Variants in SMAD6 observed in about 807,000 individuals in gnomAD.
SMAD6 encodes the protein SMAD family member 6.
SMAD6 carries 103 observed loss-of-function variants against 39.4 expected under a neutral mutation model. The observed-to-expected ratio is 2.62, with a 90% CI of 2.23 to 3.08. The LOEUF (loss-of-function observed/expected upper bound fraction) is 3.08. Ranked by LOEUF, SMAD6 falls within the 30% of genes most tolerant of loss-of-function variation. The probability of loss-of-function intolerance (pLI) is 0.00; values close to 1 mark genes in which losing one functional copy is unlikely to be tolerated. For missense variants in SMAD6, 1,104 were observed against 742.9 expected (o/e 1.49, Z -5.65); for synonymous variants, 445 against 353.3 (o/e 1.26, Z -2.91).
intron 3 of SMAD6, among the ~76,000 whole-genome samples, chr15:66,751,015 AC>A (rs1180797974): frequency 6.6e-6 from 1 of 151,762 alleles, no homozygotes; most frequent in African/African-American, 2.4e-5. Context: ...ACCCAGAGAC[AC>A]CCCCACCCCC....
chr15:66,751,132 C>CT lies in SMAD6; in HGVS notation c.953-29864dup, dbSNP rs577386886. Among the ~76,000 whole-genome samples, 761 of 152,294 alleles carry CT rather than the reference C, an allele frequency of 5.0e-3. 2 individuals carry two copies. The highest frequency in any genetic ancestry group is 0.017 in the Middle Eastern group (5 of 294). On this transcript the variant is annotated intron_variant, in intron 3 of 3. Coordinates refer to ENST00000288840, the MANE Select transcript of SMAD6 (RefSeq NM_005585.5). ...GAGAACGCCCCGTGCCTGAGATTCTCTGAGTAAAAGCACTTTGCAAAATGT... is the reference window on the plus strand; with the variant it reads ...GAGAACGCCCCGTGCCTGAGATTCTCTTGAGTAAAAGCACTTTGCAAAATGT...
rs1050027115 is a variant in SMAD6, at chr15:66,731,386, C to T, written c.952+14888C>T. ...CCGGGAGGCGGAGCTTGCAGTGAGC[C>T]GAGATCCCGCCACTGCACTCCAGCC... On this transcript the variant is annotated intron_variant, in intron 3 of 3. Transcript: ENST00000288840. Among the ~76,000 whole-genome samples the T allele has an allele frequency of 2.0e-3, 291 of 146,010 alleles. 2 individuals are homozygous for T. Among genetic ancestry groups the T allele is most frequent in the Non-Finnish European group, 3.6e-3 (239 of 67,178 alleles).
At chr15:66,729,680 C>T (rs534503182) in intron 3 of SMAD6, among the ~76,000 whole-genome samples, 2 of 152,326 alleles carry the variant, frequency 1.3e-5, no homozygotes, top group East Asian at 3.9e-4. Context: ...AAGGGATTTT[C>T]TTCCCTGGCC....
chr15:66,719,928 G>A (rs1893402126), intron 3 of SMAD6, among the ~76,000 whole-genome samples: 1 of 152,188 alleles, frequency 6.6e-6, no homozygotes, highest in Admixed American at 6.5e-5. Flanking sequence ...GTGGTGGAGG[G>A]AGGCTAGAAT....
At chr15:66,772,012 C>T (rs762584309) in intron 3 of SMAD6, among the ~76,000 whole-genome samples, 15 of 152,178 alleles carry the variant, frequency 9.9e-5, no homozygotes, top group South Asian at 2.1e-4. Context: ...GGCAGCATGT[C>T]GTGGGGCAGT....
rs1261743877 is a variant in SMAD6, at chr15:66,703,850, C to T, written c.592C>T (p.Arg198Cys). The T allele has an allele frequency of 2.9e-6, 4 of 1,356,348 alleles. No individual in the cohort carries two copies. Among genetic ancestry groups the T allele is most frequent in the African/African-American group, 1.5e-5 (1 of 66,366 alleles). The allele number at this position is 1,356,348 out of a possible 1,614,324, so 84.0% of individuals were successfully genotyped here. The change falls in exon 1 of 4, where the codon CGC (arginine) becomes TGC (cysteine). Residue 198 changes from arginine to cysteine, a missense_variant. Physicochemically the swap from Arg to Cys is radical, Grantham distance 180. Transcript: ENST00000288840. ...LDTLLEAVESRGGVPGGCVLV... is the reference protein window; with the variant it reads ...LDTLLEAVESCGGVPGGCVLV... ...CACGCTGCTGGAGGCGGTGGAGTCC[C>T]GCGGCGGCGTGCCGGGCGGCTGCGT...
chr15:66,740,174 C>T (rs1246503663), intron 3 of SMAD6, among the ~76,000 whole-genome samples: 3 of 152,224 alleles, frequency 2.0e-5, no homozygotes, highest in Non-Finnish European at 4.4e-5. Flanking sequence ...GGCCGTGGCA[C>T]TCACCCTGGC....
In SMAD6 at chr15:66,781,457, C is replaced by A. The variant is rs2140682401; in HGVS notation, c.1413C>A (p.Gly471=). The change falls in exon 4 of 4, where the codon GGC becomes GGA. Residue 471 remains glycine, a synonymous_variant. Transcript: ENST00000288840. ...GCGTCCGCATCAGCTTCGCCAAGGG[C>A]TGGGGGCCCTGCTACTCCCGGCAGT... ...PNSVRISFAK[G]WGPCYSRQFI... is the part of the protein sequence containing the mutation. 6.2e-7 allele frequency: 1 copy of A among 1,603,994 alleles called. No homozygotes were observed.
rs1335828093 is a variant in SMAD6 at position 66,747,999 on chromosome 15, T to C, written c.952+31501T>C. ...CACCCCCACGCCCTAACTTGCCCCA[T>C]TGTAGCCAGACCACTCCTTCCAATC... On this transcript the variant is annotated intron_variant, in intron 3 of 3. Transcript: ENST00000288840. The surrounding 1 kb of genome is among the most constrained non-coding windows in gnomAD (Gnocchi z 4.5). 6.6e-6 allele frequency among the ~76,000 whole-genome samples: 1 copy of C among 152,154 alleles called. No homozygotes were observed. Among genetic ancestry groups the C allele is most frequent in the Non-Finnish European group, 1.5e-5 (1 of 68,024 alleles).
intron 3 of SMAD6, 74 bp from the exon 4 acceptor site, chr15:66,780,923 G>GCCCACCTCCGCTCCTCGGTGCCT (rs1466850997): frequency 1.4e-6 from 2 of 1,419,886 alleles, no homozygotes; most frequent in Non-Finnish European, 1.9e-6. Context: ...AGACAGCAGT[G>GCCCACCTCCGCTCCTCGGTGCCT]CCCACCTCCG....
intron 3 of SMAD6, among the ~76,000 whole-genome samples, chr15:66,777,340 G>A (rs571104053): frequency 1.9e-4 from 29 of 152,168 alleles, no homozygotes; most frequent in Non-Finnish European, 4.1e-4. Context: ...TGGGGTGGGG[G>A]CAATGTCTAG....
At chr15:66,766,868 A>G (rs1440137791) in intron 3 of SMAD6, among the ~76,000 whole-genome samples, 1 of 152,198 alleles carries the variant, frequency 6.6e-6, no homozygotes, top group Non-Finnish European at 1.5e-5. Context: ...TATGAACTGG[A>G]TCATGGAAAA....
intron 3 of SMAD6, among the ~76,000 whole-genome samples, chr15:66,770,348 G>A (rs778782168): frequency 2.0e-5 from 3 of 152,226 alleles, no homozygotes; most frequent in South Asian, 2.1e-4. Flanking sequence ...GAACCGGCGC[G>A]GCCTGATGTA....
At chr15:66,746,884 A>G (rs1893918240) in intron 3 of SMAD6, among the ~76,000 whole-genome samples, 1 of 152,138 alleles carries the variant, frequency 6.6e-6, no homozygotes, top group Non-Finnish European at 1.5e-5. Flanking sequence ...CAGACCCTTC[A>G]AATCAGAGTT....
chr15:66,757,723 G>A (rs1481150191), intron 3 of SMAD6, among the ~76,000 whole-genome samples: 1 of 152,242 alleles, frequency 6.6e-6, no homozygotes, highest in Non-Finnish European at 1.5e-5. Flanking sequence ...CCTGGAGGGG[G>A]TCTGGCCAGG....
chr15:66,707,068 C>T lies in SMAD6; in HGVS notation c.817+2993C>T, dbSNP rs577256449. Reference sequence around the variant, plus strand: ...ATGGGCTAGGGGCCTCCTGGCCTCCCAGCCCGTGGGAGTCAGGCCCAACTC... The same window carrying T: ...ATGGGCTAGGGGCCTCCTGGCCTCCTAGCCCGTGGGAGTCAGGCCCAACTC... On this transcript the variant is annotated intron_variant, in intron 1 of 3. Transcript: ENST00000288840. The T allele has an allele frequency of 4.6e-5, 7 of 152,276 alleles. No individual in the cohort carries two copies. The East Asian group carries it at 1.2e-3, about 25-fold the overall frequency. The allele number at this position is 152,276 out of a possible 1,614,324, so 9.4% of individuals were successfully genotyped here. A position where few individuals can be genotyped will look rare whatever the true frequency, so the allele number is the denominator to read the frequency against.
chr15:66,768,470 T>G (rs1836940057), intron 3 of SMAD6, among the ~76,000 whole-genome samples: 14 of 152,236 alleles, frequency 9.2e-5, no homozygotes, highest in Admixed American at 7.9e-4. Flanking sequence ...TTTACTTTCA[T>G]AGACTTAGCA....
rs34057337 is a variant in SMAD6 at position 66,752,040 on chromosome 15, C to CTT, written c.953-28939_953-28938dup. On this transcript the variant is annotated intron_variant, in intron 3 of 3. Transcript: ENST00000288840. ...TAAAACCCCCTTCATTTAATGGCACCTTTTTTTTTTTTTTTTTTTCAGGCA... is the reference window on the plus strand; with the variant it reads ...TAAAACCCCCTTCATTTAATGGCACCTTTTTTTTTTTTTTTTTTTTTCAGGCA... Among the ~76,000 whole-genome samples the CTT allele has an allele frequency of 2.7e-3, 326 of 121,832 alleles. 4 individuals are homozygous for CTT. The highest frequency in any genetic ancestry group is 9.4e-3 in the African/African-American group (301 of 32,190). 79.9% of individuals were successfully genotyped at this position (121,832 alleles called of 152,430 possible).
At chr15:66,776,960 C>G (rs1894477519) in intron 3 of SMAD6, among the ~76,000 whole-genome samples, 1 of 152,082 alleles carries the variant, frequency 6.6e-6, no homozygotes. Flanking sequence ...TCGCTTGAGC[C>G]TGGGAGGTCG....
Sources: allele counts gnomAD v4.1 joint callset (sites outside exome capture counted in the v4.1 genomes callset), GRCh38; gene constraint gnomAD v4.1.1; non-coding constraint Gnocchi (gnomAD v3.1); transcripts MANE v1.5; gene names NCBI Gene and HGNC (gene_info 2026-07-23, HGNC 2026-07-21).